Variants in FHIP1A observed in about 807,000 individuals in gnomAD.
FHIP1A encodes the protein FHF complex subunit HOOK interacting protein 1A, also known as FHF complex subunit HOOK-interacting protein 1A.
A neutral mutation model predicts 88.6 loss-of-function variants in FHIP1A; 61 were observed. The observed-to-expected ratio is 0.69, with a 90% CI of 0.56 to 0.85. The LOEUF (loss-of-function observed/expected upper bound fraction) is 0.85. FHIP1A is among the 40% of genes least tolerant of loss of function. The pLI, the probability that FHIP1A is intolerant of heterozygous loss-of-function variation, is 0.00. For missense variants in FHIP1A, 1,154 were observed against 1,273.5 expected (o/e 0.91, Z 1.43); for synonymous variants, 478 against 496.0 (o/e 0.96, Z 0.48).
intron 3 of FHIP1A, among the ~76,000 whole-genome samples, chr4:151,565,670 TA>T (rs1466625538): frequency 6.6e-6 from 1 of 152,130 alleles, no homozygotes; most frequent in African/African-American, 2.4e-5. Flanking sequence ...CTCTTGCTGT[TA>T]ACTCATGGTT....
intron 3 of FHIP1A, among the ~76,000 whole-genome samples, chr4:151,513,666 A>C (rs546056030): frequency 1.3e-5 from 2 of 152,180 alleles, no homozygotes; most frequent in African/African-American, 2.4e-5. Flanking sequence ...GTCTCTGATA[A>C]AACAGACTTT....
intron 7 of FHIP1A, among the ~76,000 whole-genome samples, chr4:151,600,711 C>G (rs964621722): frequency 2.0e-5 from 3 of 152,112 alleles, no homozygotes; most frequent in Non-Finnish European, 4.4e-5. Context: ...GATTAGATCT[C>G]TCTCTCTCTC....
At chr4:151,412,687 CTTTT>C (rs555613459) in intron 1 of FHIP1A, among the ~76,000 whole-genome samples, 2 of 95,826 alleles carry the variant, frequency 2.1e-5, no homozygotes, top group South Asian at 4.0e-4. Flanking sequence ...CTCTTTCTTT[CTTTT>C]TTTTTTTTTT....
At chr4:151,471,322 A>G (rs562494640) in intron 2 of FHIP1A, among the ~76,000 whole-genome samples, 27 of 112,800 alleles carry the variant, frequency 2.4e-4, no homozygotes, top group Non-Finnish European at 4.5e-4. Flanking sequence ...ATTTTTTCCA[A>G]TAAGGAAAAA....
chr4:151,639,956 A>G (rs1736507775), intron 9 of FHIP1A, among the ~76,000 whole-genome samples: 2 of 152,200 alleles, frequency 1.3e-5, no homozygotes, highest in Admixed American at 6.5e-5. Context: ...GGGTTTTGAC[A>G]TGATTTGAGT....
chr4:151,641,555 T>C (rs1047251379), intron 9 of FHIP1A, among the ~76,000 whole-genome samples: 3 of 152,240 alleles, frequency 2.0e-5, no homozygotes, highest in South Asian at 2.1e-4. Context: ...TTTTTTCTTT[T>C]AGCTATCATT....
chr4:151,416,088 T>G (rs1468123093), intron 1 of FHIP1A, among the ~76,000 whole-genome samples: 4 of 152,228 alleles, frequency 2.6e-5, no homozygotes, highest in Non-Finnish European at 5.9e-5. Flanking sequence ...TGTTGAAATA[T>G]TAGTCATGGG....
At chr4:151,625,743 A>G (rs1379958342) in intron 7 of FHIP1A, among the ~76,000 whole-genome samples, 1 of 152,176 alleles carries the variant, frequency 6.6e-6, no homozygotes, top group African/African-American at 2.4e-5. Flanking sequence ...CACACTGTCC[A>G]TTTTGCCTAT....
intron 7 of FHIP1A, among the ~76,000 whole-genome samples, chr4:151,599,460 A>G (rs1734777374): frequency 6.6e-6 from 1 of 152,154 alleles, no homozygotes; most frequent in South Asian, 2.1e-4. Flanking sequence ...TAGGAGCAAG[A>G]TGGGGGAAGG....
At chr4:151,655,524 G>T (rs1003018309) in intron 11 of FHIP1A, among the ~76,000 whole-genome samples, 1 of 152,132 alleles carries the variant, frequency 6.6e-6, no homozygotes, top group Non-Finnish European at 1.5e-5. Flanking sequence ...ATGCCGAACT[G>T]TATCTCCCAA....
intron 3 of FHIP1A, among the ~76,000 whole-genome samples, chr4:151,532,007 A>G (rs553985355): frequency 3.9e-5 from 6 of 152,380 alleles, no homozygotes; most frequent in African/African-American, 1.4e-4. Context: ...GTAGCATTTT[A>G]TATGGAAGAA....
chr4:151,592,142 T>C (rs1367610919), intron 7 of FHIP1A, among the ~76,000 whole-genome samples: 1 of 149,176 alleles, frequency 6.7e-6, no homozygotes, highest in Admixed American at 6.6e-5. Flanking sequence ...TTTCCAGACT[T>C]TTTTTTTTTT....
chr4:151,543,539 A>G (rs949204587), intron 3 of FHIP1A, among the ~76,000 whole-genome samples: 1 of 152,246 alleles, frequency 6.6e-6, no homozygotes, highest in African/African-American at 2.4e-5. Context: ...ACACCTGGAG[A>G]TAACTACTAT....
chr4:151,571,895 A>G (rs1352359877), intron 4 of FHIP1A, among the ~76,000 whole-genome samples: 1 of 152,238 alleles, frequency 6.6e-6, no homozygotes, highest in African/African-American at 2.4e-5. Flanking sequence ...ATTAACTTGC[A>G]CTTCTATCAG....
At chr4:151,505,653 G>C (rs574132221) in intron 3 of FHIP1A, among the ~76,000 whole-genome samples, 1 of 152,242 alleles carries the variant, frequency 6.6e-6, no homozygotes, top group East Asian at 1.9e-4. Flanking sequence ...TTAATTCTCT[G>C]CTGTTGAGTC....
intron 9 of FHIP1A, among the ~76,000 whole-genome samples, chr4:151,640,042 G>T (rs1175705930): frequency 6.6e-6 from 1 of 152,204 alleles, no homozygotes; most frequent in Non-Finnish European, 1.5e-5. Flanking sequence ...AAAGCCAGGG[G>T]TGTCAAAGTG....
intron 1 of FHIP1A, among the ~76,000 whole-genome samples, chr4:151,419,635 A>T (rs1262629855): frequency 2.7e-5 from 1 of 37,604 alleles, no homozygotes; most frequent in Non-Finnish European, 4.9e-5. Context: ...ACATGTGCAC[A>T]TTGTGCAGGC....
intron 2 of FHIP1A, among the ~76,000 whole-genome samples, chr4:151,467,192 G>C (rs551855612): frequency 6.6e-6 from 1 of 152,268 alleles, no homozygotes; most frequent in Admixed American, 6.5e-5. Context: ...CTCAAAAGAA[G>C]ACATTTATGT....
chr4:151,532,129 T>C (rs1731899731), intron 3 of FHIP1A, among the ~76,000 whole-genome samples: 2 of 152,206 alleles, frequency 1.3e-5, no homozygotes, highest in Non-Finnish European at 2.9e-5. Context: ...GTTTGGTCTA[T>C]ATCGTTTTTT....
Sources: gnomAD v4.1 joint callset for allele counts (sites outside exome capture counted in the v4.1 genomes callset) on GRCh38, gnomAD v4.1.1 for gene constraint, MANE v1.5 for transcripts, NCBI Gene and HGNC (gene_info 2026-07-23, HGNC 2026-07-21) for gene names.